The following MBNL1 variants were observed in gnomAD, a reference collection of about 807,000 sequenced individuals.
The protein encoded by MBNL1 is muscleblind like splicing regulator 1.
Under a neutral mutation model 42.2 loss-of-function variants are expected in MBNL1, and 8 were observed. The ratio of observed to expected loss-of-function variants is 0.19; its 90% confidence interval spans 0.11 to 0.34. MBNL1 has a LOEUF of 0.34. MBNL1 is among the 10% of genes least tolerant of loss of function. The pLI, the probability that MBNL1 is intolerant of heterozygous loss-of-function variation, is 1.00. For synonymous variants in MBNL1, 169 were observed against 173.9 expected (o/e 0.97, Z 0.22); for missense variants, 309 against 495.3 (o/e 0.62, Z 3.57).
At chr3:152,258,789 A>T (rs1181954086) in intron 2 of MBNL1, among the ~76,000 whole-genome samples, 3 of 152,222 alleles carry the variant, frequency 2.0e-5, no homozygotes, top group Non-Finnish European at 4.4e-5. Flanking sequence ...AAGTTATGCC[A>T]CATATCGTCT....
At chr3:152,365,244 A>G (rs1301663730) in intron 2 of MBNL1, among the ~76,000 whole-genome samples, 1 of 151,554 alleles carries the variant, frequency 6.6e-6, no homozygotes, top group African/African-American at 2.4e-5. Flanking sequence ...TAAAATGGGC[A>G]TGGGGCCTAA....
chr3:152,442,944 T>G (rs2099162886), intron 4 of MBNL1, among the ~76,000 whole-genome samples: 1 of 151,644 alleles, frequency 6.6e-6, no homozygotes, highest in African/African-American at 2.4e-5. Context: ...TCCTATTTCT[T>G]AGGAGAAACC....
chr3:152,378,891 A>G (rs757538024), intron 2 of MBNL1, among the ~76,000 whole-genome samples: 3 of 151,822 alleles, frequency 2.0e-5, no homozygotes, highest in Non-Finnish European at 4.4e-5. Context: ...TGATAATTGC[A>G]TTTTTTTAGA....
intron 2 of MBNL1, among the ~76,000 whole-genome samples, chr3:152,382,334 ACT>A (rs1277866268): frequency 6.6e-6 from 1 of 151,968 alleles, no homozygotes; most frequent in African/African-American, 2.4e-5. Flanking sequence ...GTACATTTTG[ACT>A]CTGTGATAGA....
upstream of MBNL1, chr3:152,267,545 G>A (rs1053183856): frequency 2.0e-5 from 3 of 152,140 alleles, no homozygotes; most frequent in African/African-American, 7.2e-5. Flanking sequence ...GATACTAATG[G>A]GCAGATAGAA....
rs75518042 is a variant in MBNL1, at chr3:152,407,689, A to C, written c.175-7252A>C. The stretch of plus-strand genomic sequence containing the variant: ...TTTGAGAATTTAAACATTAATAGAA[A>C]AATTAGTGTTACTACAATAGCAAAG... On this transcript the variant is annotated intron_variant, in intron 2 of 9. Coordinates refer to ENST00000324210, the MANE Select transcript of MBNL1 (RefSeq NM_021038.5). 3.5e-4 allele frequency among the ~76,000 whole-genome samples: 54 copies of C among 152,314 alleles called. No homozygotes were observed. In the East Asian group the frequency reaches 0.01, roughly 29 times the overall value.
intron 2 of MBNL1, among the ~76,000 whole-genome samples, chr3:152,365,951 C>CT (rs939297717): frequency 1.3e-5 from 2 of 152,020 alleles, no homozygotes; most frequent in African/African-American, 4.8e-5. Flanking sequence ...ACAATAGAGC[C>CT]TTTGTTAGGA....
intron 9 of MBNL1, 144 bp downstream of exon 9, chr3:152,459,489 T>G (rs2153972708): frequency 2.3e-6 from 1 of 428,926 alleles, no homozygotes; most frequent in South Asian, 8.5e-5. Flanking sequence ...GTGAGGAATT[T>G]TATCAGACAT....
At position 152,462,585 on chromosome 3, in the gene MBNL1, T is replaced by C. The variant is rs924246215; in HGVS notation, c.*219T>C. On this transcript the variant is annotated 3_prime_UTR_variant, in exon 10 of 10. Coordinates refer to ENST00000324210, the MANE Select transcript of MBNL1 (RefSeq NM_021038.5). The stretch of plus-strand genomic sequence containing the variant: ...TTGCCTATACACTTTGTACATTTAA[T>C]TGATATTTGTGCTGAGGTGATATTC... 1 of 152,192 alleles carries C rather than the reference T, an allele frequency of 6.6e-6. No individual in the cohort carries two copies. Among genetic ancestry groups the C allele is most frequent in the Non-Finnish European group, 1.5e-5 (1 of 68,014 alleles). 9.4% of individuals were successfully genotyped at this position (152,192 alleles called of 1,614,324 possible).
At chr3:152,407,063 GTGTGTGTGTT>G (rs1443396906) in intron 2 of MBNL1, among the ~76,000 whole-genome samples, 1 of 151,840 alleles carries the variant, frequency 6.6e-6, no homozygotes, top group Admixed American at 6.6e-5. Context: ...GTGTGTGTGT[GTGTGTGTGTT>G]TGTGTGAACT....
chr3:152,414,238 G>C (rs1305685998), intron 2 of MBNL1, among the ~76,000 whole-genome samples: 1 of 152,164 alleles, frequency 6.6e-6, no homozygotes, highest in Non-Finnish European at 1.5e-5. Flanking sequence ...ATTTTTTGGA[G>C]GGTAAATATA....
intron 1 of MBNL1, among the ~76,000 whole-genome samples, chr3:152,291,889 A>G (rs757203442): frequency 1.3e-5 from 2 of 152,062 alleles, no homozygotes; most frequent in Non-Finnish European, 2.9e-5. Context: ...CAGTACTCCC[A>G]TTTCAGCCTC....
intron 2 of MBNL1, among the ~76,000 whole-genome samples, chr3:152,359,894 C>T (rs2095813801): frequency 6.6e-6 from 1 of 152,162 alleles, no homozygotes; most frequent in Non-Finnish European, 1.5e-5. Flanking sequence ...TTAGACCAGT[C>T]TCACTATAAA....
At chr3:152,285,615 CT>C (rs376440030) in intron 1 of MBNL1, among the ~76,000 whole-genome samples, 23,688 of 139,472 alleles carry the variant, frequency 0.17, 2,084 homozygotes, top group East Asian at 0.27. Context: ...TCAGTGGAAA[CT>C]TTTTTTTTTT....
At chr3:152,383,739 G>A (rs2097286512) in intron 2 of MBNL1, among the ~76,000 whole-genome samples, 1 of 152,024 alleles carries the variant, frequency 6.6e-6, no homozygotes, top group African/African-American at 2.4e-5. Context: ...ATACATTTCA[G>A]GATCCTTTTA....
At chr3:152,393,031 C>T (rs982002011) in intron 2 of MBNL1, among the ~76,000 whole-genome samples, 1 of 152,116 alleles carries the variant, frequency 6.6e-6, no homozygotes, top group Non-Finnish European at 1.5e-5. Flanking sequence ...AAGGTACCTC[C>T]TAAAAGAAGC....
intron 4 of MBNL1, among the ~76,000 whole-genome samples, chr3:152,441,903 G>T (rs963899225): frequency 6.6e-6 from 1 of 151,888 alleles, no homozygotes; most frequent in Non-Finnish European, 1.5e-5. Context: ...AGCAATTCTC[G>T]TGCCTCAGCC....
intron 1 of MBNL1, among the ~76,000 whole-genome samples, chr3:152,297,123 A>G (rs958972484): frequency 3.9e-5 from 6 of 152,154 alleles, no homozygotes; most frequent in African/African-American, 1.4e-4. Flanking sequence ...AAGATTCTGA[A>G]GAGAAGGAGT....
At chr3:152,442,520 GATAA>G (rs2099158107) in intron 4 of MBNL1, among the ~76,000 whole-genome samples, 1 of 152,138 alleles carries the variant, frequency 6.6e-6, no homozygotes, top group South Asian at 2.1e-4. Context: ...TTCTCTGTAT[GATAA>G]ATGTTATAAT....
Sources: allele counts gnomAD v4.1 joint callset (sites outside exome capture counted in the v4.1 genomes callset), GRCh38; gene constraint gnomAD v4.1.1; transcripts MANE v1.5; gene names NCBI Gene and HGNC (gene_info 2026-07-23, HGNC 2026-07-21).